Variants in COL1A1 observed in about 807,000 individuals in gnomAD.
COL1A1 encodes collagen type I alpha 1 chain.
A neutral mutation model predicts 195.7 loss-of-function variants in COL1A1; 21 were observed. The observed-to-expected ratio is 0.11, with a 90% CI of 0.08 to 0.15. The LOEUF (loss-of-function observed/expected upper bound fraction) is 0.15. COL1A1 is among the 10% of genes least tolerant of loss of function. The pLI is 1.00. For missense variants in COL1A1, 1,365 were observed against 2,051.0 expected (o/e 0.67, Z 6.46); for synonymous variants, 749 against 747.3 (o/e 1.00, Z -0.04).
rs548069648 is a variant in COL1A1 at position 50,201,395 on chromosome 17, A to G, written c.103+16T>C. The stretch of plus-strand genomic sequence containing the variant: ...GATATAGAGTATCCTTGCACTCCCA[A>G]AAGTTTGGGACTTACTGTCTTCGTC... On this transcript the variant is annotated intron_variant, in intron 1 of 50. Coordinates refer to ENST00000225964, the MANE Select transcript of COL1A1 (RefSeq NM_000088.4). 1.9e-6 allele frequency: 3 copies of G among 1,613,192 alleles called. No homozygotes were observed. The highest frequency in any genetic ancestry group is 1.1e-5 in the South Asian group (1 of 91,020).
rs373873548 is a variant in COL1A1, at chr17:50,192,030, G to T, written c.1984-6C>A. On this transcript the variant is annotated splice_polypyrimidine_tract_variant and splice_region_variant and intron_variant, in intron 29 of 50. Coordinates refer to ENST00000225964, the MANE Select transcript of COL1A1 (RefSeq NM_000088.4). ...CCAAGGTCTCCAGGAACACCCTGAGGGGGAGGGAGAGAGGAACAGACAGTG... is the reference window on the plus strand; with the variant it reads ...CCAAGGTCTCCAGGAACACCCTGAGTGGGAGGGAGAGAGGAACAGACAGTG... 22 of 1,612,000 alleles carry T rather than the reference G, an allele frequency of 1.4e-5. No individual in the cohort carries two copies. Among genetic ancestry groups the T allele is most frequent in the Admixed American group, 6.7e-5 (4 of 59,794 alleles).
rs141805075 is a variant in COL1A1, at chr17:50,188,672, C to A, written c.3100-35G>T. 15 of 1,613,268 alleles carry A rather than the reference C, an allele frequency of 9.3e-6. No individual in the cohort carries two copies. The highest frequency in any genetic ancestry group is 3.3e-5 in the South Asian group (3 of 91,058). On this transcript the variant is annotated intron_variant, in intron 42 of 50. Coordinates refer to ENST00000225964, the MANE Select transcript of COL1A1 (RefSeq NM_000088.4). The surrounding 1 kb of genome is among the most constrained non-coding windows in gnomAD (Gnocchi z 5.6). The stretch of plus-strand genomic sequence containing the variant: ...AGAGCAGGGGAATATGGGTCAGCCC[C>A]GGGTGAAGGGCCAGGATGGGGCAGG...
Position 50,198,420 on chromosome 17 carries a change from C to G in COL1A1, c.543+13G>C. 6.2e-7 allele frequency: 1 copy of G among 1,612,512 alleles called. No individual in the cohort carries two copies. Among genetic ancestry groups the G allele is most frequent in the Non-Finnish European group, 8.5e-7 (1 of 1,179,290 alleles). Reference sequence around the variant, plus strand: ...TCTCTCTTCTGTCATCCATGCTCCCCCTGCTGGCTCACCATGGGGCCAGGC... The same window carrying G: ...TCTCTCTTCTGTCATCCATGCTCCCGCTGCTGGCTCACCATGGGGCCAGGC... On this transcript the variant is annotated intron_variant, in intron 6 of 50. Transcript: ENST00000225964.
At chr17:50,196,858 GA>G in intron 11 of COL1A1, 151 bp downstream of exon 11, 3 of 1,082,718 alleles carry the variant, frequency 2.8e-6, no homozygotes, top group Non-Finnish European at 4.2e-6. Flanking sequence ...CCCATGGAGG[GA>G]GGTGCTTTTG....
Position 50,195,351 on chromosome 17 carries a change from G to A in COL1A1, c.1201-21C>T, listed in dbSNP as rs755284119. The stretch of plus-strand genomic sequence containing the variant: ...GCACCCTGTGGGAGGCAGACAGCCA[G>A]GGCGTGAGCCTAGGAGCAGAGGGAA... On this transcript the variant is annotated intron_variant, in intron 18 of 50. Transcript: ENST00000225964. This position sits in a 1 kb window ranked among gnomAD's most constrained non-coding sequence, Gnocchi z 4.3. The A allele has an allele frequency of 6.2e-7, 1 of 1,613,898 alleles. No homozygotes were observed. Among genetic ancestry groups the A allele is most frequent in the Non-Finnish European group, 8.5e-7 (1 of 1,179,850 alleles).
chr17:50,196,713 G>A (rs1181712590), intron 11 of COL1A1, 43 bp from the exon 12 acceptor site: 1 of 1,603,976 alleles, frequency 6.2e-7, no homozygotes, highest in South Asian at 1.1e-5. Flanking sequence ...TGTGGAGGGG[G>A]TGGAACAGCC....
In COL1A1 at chr17:50,198,220, G is replaced by A; in HGVS notation, c.544-15C>T. ...CCAGAGGGACCCTATAGAGGGAGAA[G>A]AAAGGGGGGTCATGGTGATCCCTCT... On this transcript the variant is annotated splice_polypyrimidine_tract_variant and intron_variant, in intron 6 of 50. Transcript: ENST00000225964. The A allele has an allele frequency of 6.2e-7, 1 of 1,614,020 alleles. No individual in the cohort carries two copies. Among genetic ancestry groups the A allele is most frequent in the Non-Finnish European group, 8.5e-7 (1 of 1,179,932 alleles).
chr17:50,196,452 C>T (rs1373412902), intron 13 of COL1A1, 32 bp downstream of exon 13: 3 of 1,614,178 alleles, frequency 1.9e-6, no homozygotes, highest in Non-Finnish European at 2.5e-6. Context: ...CCTCCTGCCC[C>T]ATCCCTGCCC....
intron 9 of COL1A1, 92 bp from the exon 10 acceptor site, chr17:50,197,325 T>C: frequency 7.4e-7 from 1 of 1,349,444 alleles, no homozygotes; most frequent in Non-Finnish European, 1.1e-6. Flanking sequence ...TTCTTTGGAT[T>C]GTTGCAGGTC....
Position 50,186,898 on chromosome 17 carries a change from G to C in COL1A1, c.3556C>G (p.Pro1186Ala), listed in dbSNP as rs766461654. 3.2e-5 allele frequency: 52 copies of C among 1,613,636 alleles called. No individual in the cohort carries two copies. The highest frequency in any genetic ancestry group is 4.2e-5 in the Non-Finnish European group (50 of 1,179,872). The change falls in exon 48 of 51, where the codon CCT (proline) becomes GCT (alanine). Residue 1186 changes from proline to alanine, a missense_variant. Pro to Ala is a conservative substitution (Grantham distance 27, BLOSUM62 -1). Coordinates refer to ENST00000225964, the MANE Select transcript of COL1A1 (RefSeq NM_000088.4). The surrounding 1 kb of genome is among the most constrained non-coding windows in gnomAD (Gnocchi z 5.3). ...GCGCTGGGAGGACCAGGGGGACCAG[G>C]AGGTCCAGGAGGGCCGGGGGGACCC... The part of the protein sequence containing the change: ...PVGPPGPPGP[P>A]GPPGPPSAGF...
chr17:50,196,691 A>G lies in COL1A1; in HGVS notation c.805-21T>C, dbSNP rs1409182501. On this transcript the variant is annotated intron_variant, in intron 11 of 50. Transcript: ENST00000225964. ...AAACCCTAAAGCAGGAAAGAGGTAG[A>G]AGGTAAGAACCTGTGGAGGGGGTGG... is the stretch of plus-strand genomic sequence containing the variant. The G allele has an allele frequency of 3.1e-6, 5 of 1,613,966 alleles. No homozygotes were observed. The Admixed American group carries it at 8.3e-5, about 27-fold the overall frequency.
Position 50,188,310 on chromosome 17 carries a change from G to C in COL1A1, c.3208-161C>G, listed in dbSNP as rs1329147015. 2 of 866,218 alleles carry C rather than the reference G, an allele frequency of 2.3e-6. No individual in the cohort carries two copies. Among genetic ancestry groups the C allele is most frequent in the Non-Finnish European group, 3.5e-6 (2 of 565,110 alleles). The allele number at this position is 866,218 out of a possible 1,614,324, so 53.7% of individuals were successfully genotyped here. A position where few individuals can be genotyped will look rare whatever the true frequency, so the allele number is the denominator to read the frequency against. On this transcript the variant is annotated intron_variant, in intron 43 of 50. Transcript: ENST00000225964. The surrounding 1 kb of genome is among the most constrained non-coding windows in gnomAD (Gnocchi z 5.6). ...GAAACCTCCCCACTGCAATCTTCACGGGAGCTGGGGCCAACTCATGGGAGA... is the reference window on the plus strand; with the variant it reads ...GAAACCTCCCCACTGCAATCTTCACCGGAGCTGGGGCCAACTCATGGGAGA...
chr17:50,199,490 T>A (rs1907881010), intron 3 of COL1A1, 37 bp from the exon 4 acceptor site: 1 of 1,614,030 alleles, frequency 6.2e-7, no homozygotes. Context: ...GAGGCCAGGT[T>A]AGAGAAGGGA....
rs1176906997 is a variant in COL1A1 at position 50,185,104 on chromosome 17, G to A, written c.*398C>T. The stretch of plus-strand genomic sequence containing the variant: ...TCTGGGGAGACAGATTTGGGAAGGA[G>A]TGGAGGGGAGGCCCCAAGGGGGGTG... On this transcript the variant is annotated 3_prime_UTR_variant, in exon 51 of 51. Coordinates refer to ENST00000225964, the MANE Select transcript of COL1A1 (RefSeq NM_000088.4). The A allele has an allele frequency of 3.5e-6, 1 of 287,960 alleles. No individual in the cohort carries two copies. The highest frequency in any genetic ancestry group is 6.6e-6 in the Non-Finnish European group (1 of 152,196). The allele number at this position is 287,960 out of a possible 1,614,324, so 17.8% of individuals were successfully genotyped here.
chr17:50,195,455 C>G lies in COL1A1; in HGVS notation c.1179G>C (p.Gln393His). Residue 393 changes from glutamine to histidine, a missense_variant, in exon 18 of 51, where the codon CAG becomes CAC. Gln to His is a conservative substitution (Grantham distance 24). Around this residue, in one of 5 missense-constraint regions of COL1A1, gnomAD observed 226 missense variants for 372.9 expected, o/e 0.61. Transcript: ENST00000225964. This position sits in a 1 kb window ranked among gnomAD's most constrained non-coding sequence, Gnocchi z 4.3. ...TTACATTGGCACCTTTAGCACCAGG[C>G]TGTCCATCAGCACCAGGGTTTCCCT... is the stretch of plus-strand genomic sequence containing the variant. ...GPAGNPGADG[Q>H]PGAKGANGAP... is the part of the protein sequence containing the mutation. 1 of 1,614,138 alleles carries G rather than the reference C, an allele frequency of 6.2e-7. No individual in the cohort carries two copies. The highest frequency in any genetic ancestry group is 8.5e-7 in the Non-Finnish European group (1 of 1,180,002).
chr17:50,199,765 G>T lies in COL1A1; in HGVS notation c.286C>A (p.Pro96Thr). The change falls in exon 2 of 51, where the codon CCC becomes ACC. Residue 96 changes from proline to threonine, a missense_variant. This residue lies in a region of COL1A1 where 194 missense variants were observed against 221.7 expected (regional missense o/e 0.88). Transcript: ENST00000225964. Reference protein sequence around the residue: ...VPEGECCPVCPDGSESPTDQE... With the variant: ...VPEGECCPVCTDGSESPTDQE... ...AGCGCAGCCGCACCTGAGCCGTCGG[G>T]GCAGACGGGACAGCACTCGCCCTCG... The T allele has an allele frequency of 6.2e-7, 1 of 1,612,582 alleles. No individual in the cohort carries two copies.
In COL1A1 at chr17:50,186,076, T is replaced by C; in HGVS notation, c.4006-56A>G. The C allele has an allele frequency of 6.2e-7, 1 of 1,603,194 alleles. No individual in the cohort carries two copies. The highest frequency in any genetic ancestry group is 1.3e-5 in the African/African-American group (1 of 75,004). ...GCCGCTATGCGGGAACCTCTAGTCC[T>C]GCCTGGCCTCCCTGTCCAGGGTCCT... is the stretch of plus-strand genomic sequence containing the variant. On this transcript the variant is annotated intron_variant, in intron 49 of 50. Transcript: ENST00000225964. The surrounding 1 kb of genome is among the most constrained non-coding windows in gnomAD (Gnocchi z 5.3).
At position 50,184,858 on chromosome 17, in the gene COL1A1, C is replaced by T. The variant is rs973953328; in HGVS notation, c.*644G>A. 1 of 230,440 alleles carries T rather than the reference C, an allele frequency of 4.3e-6. No individual in the cohort carries two copies. The highest frequency in any genetic ancestry group is 2.2e-5 in the African/African-American group (1 of 45,118). 14.3% of individuals were successfully genotyped at this position (230,440 alleles called of 1,614,324 possible). ...ACTCTCCTCCGAACCCAGTGAGGGG[C>T]TGGTGGCTCCCCCGGCATGACCCCC... On this transcript the variant is annotated 3_prime_UTR_variant, in exon 51 of 51. Transcript: ENST00000225964.
chr17:50,193,856 G>A (rs767039656), intron 25 of COL1A1, 87 bp downstream of exon 25: 8 of 1,204,648 alleles, frequency 6.6e-6, no homozygotes, highest in Non-Finnish European at 7.4e-6. Flanking sequence ...GCAGGTCAGC[G>A]GCACAGCTGA....
Sources: allele counts gnomAD v4.1 joint callset, GRCh38; gene constraint gnomAD v4.1.1; regional missense constraint gnomAD v4.1.1; non-coding constraint Gnocchi (gnomAD v3.1); transcripts MANE v1.5; gene names NCBI Gene and HGNC (gene_info 2026-07-23, HGNC 2026-07-21).